The following BCKDHB variants were observed in gnomAD, a reference collection of about 807,000 sequenced individuals.
BCKDHB encodes the protein branched chain keto acid dehydrogenase E1 subunit beta.
BCKDHB carries 41 observed loss-of-function variants against 48.5 expected under a neutral mutation model. That is an observed-to-expected ratio of 0.85 (90% confidence interval 0.66 to 1.10). The LOEUF is 1.10. BCKDHB is among the 50% of genes least tolerant of loss of function. The pLI, the probability that BCKDHB is intolerant of heterozygous loss-of-function variation, is 0.00. For missense variants in BCKDHB, 496 were observed against 494.2 expected (o/e 1.00, Z -0.03); for synonymous variants, 201 against 174.8 (o/e 1.15, Z -1.18).
At chr6:80,350,412 T>C (rs1179212689), downstream of BCKDHB, among the ~76,000 whole-genome samples, 2 of 152,024 alleles carry the variant, frequency 1.3e-5, no homozygotes, top group African/African-American at 2.4e-5. Context: ...TCCATTTTAC[T>C]GTATATGTCT....
chr6:80,404,640 A>G, the BCKDHB span, among the ~76,000 whole-genome samples: 1 of 151,714 alleles, frequency 6.6e-6, no homozygotes, highest in Non-Finnish European at 1.5e-5. Context: ...ATCTTCTTCC[A>G]TAAGGTATAA....
chr6:80,121,052 A>T (rs1199391440), intron 1 of BCKDHB, among the ~76,000 whole-genome samples: 1 of 152,138 alleles, frequency 6.6e-6, no homozygotes, highest in Non-Finnish European at 1.5e-5. Flanking sequence ...AGGTGTAAGG[A>T]AGGGATCCAG....
chr6:80,214,611 A>C (rs1418727606), intron 8 of BCKDHB, among the ~76,000 whole-genome samples: 2 of 152,146 alleles, frequency 1.3e-5, no homozygotes, highest in Non-Finnish European at 2.9e-5. Flanking sequence ...ACCTATAACC[A>C]CTAGAGGCCT....
At position 80,343,982 on chromosome 6, in the gene BCKDHB, A is replaced by G. The variant is rs137989613; in HGVS notation, c.*178A>G. ...CTTTAGAAAAAAAATTCAAATTTAT[A>G]GTAGTATATTTACATTTTTGTTGTT... is the stretch of plus-strand genomic sequence containing the variant. On this transcript the variant is annotated 3_prime_UTR_variant, in exon 10 of 10. Coordinates refer to ENST00000320393, the MANE Select transcript of BCKDHB (RefSeq NM_183050.4). The G allele has an allele frequency of 3.0e-5, 22 of 730,378 alleles. No homozygotes were observed. The highest frequency in any genetic ancestry group is 2.6e-4 in the African/African-American group (13 of 50,962). The allele number at this position is 730,378 out of a possible 1,614,324, so 45.2% of individuals were successfully genotyped here. A position where few individuals can be genotyped will look rare whatever the true frequency, so the allele number is the denominator to read the frequency against.
chr6:80,119,268 C>A (rs995929658), intron 1 of BCKDHB, among the ~76,000 whole-genome samples: 6 of 152,088 alleles, frequency 3.9e-5, no homozygotes, highest in Admixed American at 6.6e-5. Flanking sequence ...TAAATGAAGT[C>A]ATCCATGAGG....
intron 1 of BCKDHB, among the ~76,000 whole-genome samples, chr6:80,117,549 T>C (rs1769769381): frequency 6.6e-6 from 1 of 152,226 alleles, no homozygotes; most frequent in Admixed American, 6.5e-5. Flanking sequence ...TGTGACATGT[T>C]CTTGATGACC....
chr6:80,307,653 A>G, intron 9 of BCKDHB: 1 of 977,850 alleles, frequency 1.0e-6, no homozygotes, highest in Non-Finnish European at 1.2e-6. Flanking sequence ...AGAAAATGTA[A>G]AAAAAATTAT....
chr6:80,396,234 C>T, the BCKDHB span, among the ~76,000 whole-genome samples: 9 of 152,340 alleles, frequency 5.9e-5, no homozygotes, highest in South Asian at 1.9e-3. Context: ...CACAGACACT[C>T]AATGCCAGCC....
At chr6:80,140,763 C>T (rs527796986) in intron 3 of BCKDHB, among the ~76,000 whole-genome samples, 2 of 152,160 alleles carry the variant, frequency 1.3e-5, no homozygotes, top group East Asian at 3.9e-4. Context: ...GTCTAAAATT[C>T]TCTTTTTTGG....
chr6:80,405,046 G>A, the BCKDHB span, among the ~76,000 whole-genome samples: 1 of 151,964 alleles, frequency 6.6e-6, no homozygotes, highest in African/African-American at 2.4e-5. Context: ...TATGTTCTTT[G>A]GGTCCATTTC....
intron 9 of BCKDHB, among the ~76,000 whole-genome samples, chr6:80,337,623 CATTAT>C (rs1468158154): frequency 6.6e-6 from 1 of 151,402 alleles, no homozygotes; most frequent in Non-Finnish European, 1.5e-5. Flanking sequence ...TATATTTATC[CATTAT>C]ATTTATAATT....
rs1297669919 is a variant in BCKDHB, at chr6:80,106,829, G to T, written c.136G>T (p.Ala46Ser). The stretch of plus-strand genomic sequence containing the variant: ...CCCCGCCGCGACTGTCGAGGATGCG[G>T]CCCAGAGGCGGCAGGTGGCTCATTT... ...LHPAATVEDAAQRRQVAHFTF... is the reference protein window; with the variant it reads ...LHPAATVEDASQRRQVAHFTF... Residue 46 changes from alanine to serine, a missense_variant, in exon 1 of 10, where the codon GCC becomes TCC. Ala to Ser is a moderately conservative substitution (Grantham distance 99). Transcript: ENST00000320393. 2 of 1,610,042 alleles carry T rather than the reference G, an allele frequency of 1.2e-6. No individual in the cohort carries two copies. The highest frequency in any genetic ancestry group is 8.5e-7 in the Non-Finnish European group (1 of 1,178,746).
chr6:80,146,860 C>G (rs1003701273), intron 3 of BCKDHB, among the ~76,000 whole-genome samples: 1 of 152,038 alleles, frequency 6.6e-6, no homozygotes, highest in African/African-American at 2.4e-5. Flanking sequence ...TAAAATACAT[C>G]TAGAGAGAAG....
rs1769093743 is a variant in BCKDHB at position 80,106,867 on chromosome 6, A to G, written c.174A>G (p.Pro58=). The change falls in exon 1 of 10, where the codon CCA becomes CCG. Residue 58 remains proline (P), a synonymous_variant. Transcript: ENST00000320393. ...RRQVAHFTFQ[P]DPEPREYGQT... is the part of the protein sequence containing the mutation. ...AGGTGGCTCATTTTACTTTCCAGCC[A>G]GATCCGGAGCCCCGGGAGTACGGTG... The G allele has an allele frequency of 1.2e-6, 2 of 1,609,256 alleles. No homozygotes were observed. The highest frequency in any genetic ancestry group is 1.7e-5 in the Admixed American group (1 of 59,700).
intron 8 of BCKDHB, among the ~76,000 whole-genome samples, chr6:80,252,237 T>C (rs573747864): frequency 1.6e-4 from 25 of 152,312 alleles, no homozygotes; most frequent in African/African-American, 5.8e-4. Flanking sequence ...CATTTTAAAG[T>C]AACAGAAATT....
chr6:80,220,502 T>G (rs1021859204), intron 8 of BCKDHB, among the ~76,000 whole-genome samples: 9 of 151,230 alleles, frequency 6.0e-5, no homozygotes, highest in Middle Eastern at 3.4e-3. Context: ...TATGTCTCTT[T>G]CTTCTCTAGG....
chr6:80,244,341 G>A (rs1050345602), intron 8 of BCKDHB, among the ~76,000 whole-genome samples: 6 of 152,184 alleles, frequency 3.9e-5, no homozygotes, highest in African/African-American at 1.4e-4. Flanking sequence ...TAATAACTAG[G>A]CAATGAATGG....
At chr6:80,246,301 G>T (rs1309205239) in intron 8 of BCKDHB, among the ~76,000 whole-genome samples, 2 of 152,124 alleles carry the variant, frequency 1.3e-5, no homozygotes, top group Non-Finnish European at 2.9e-5. Context: ...CCAGTCTGTG[G>T]TCCCCTGGTC....
At chr6:80,448,460 C>T in the BCKDHB span, among the ~76,000 whole-genome samples, 2 of 152,178 alleles carry the variant, frequency 1.3e-5, no homozygotes, top group African/African-American at 4.8e-5. Context: ...CTCAGTACAT[C>T]AGGAGAGAGC....
Sources: gnomAD v4.1 joint callset for allele counts (sites outside exome capture counted in the v4.1 genomes callset) on GRCh38, gnomAD v4.1.1 for gene constraint, MANE v1.5 for transcripts, NCBI Gene and HGNC (gene_info 2026-07-23, HGNC 2026-07-21) for gene names.